KCNK3: variants seen among roughly 807,000 people sequenced by gnomAD.
KCNK3 encodes the protein potassium two pore domain channel subfamily K member 3.
A neutral mutation model predicts 27.3 loss-of-function variants in KCNK3; 9 were observed. That is an observed-to-expected ratio of 0.33 (90% CI 0.20 to 0.57). The LOEUF is 0.57. Ranked by LOEUF, KCNK3 falls within the 20% of genes least tolerant of loss-of-function variation. KCNK3 has a pLI of 0.87. For missense variants in KCNK3, 391 were observed against 577.7 expected, an observed-to-expected ratio of 0.68 and a Z score of 3.31; for synonymous variants, 278 against 273.8, an observed-to-expected ratio of 1.02 and a Z score of -0.15.
At chr2:26,723,664 G>A (rs1211952972) in intron 1 of KCNK3, among the ~76,000 whole-genome samples, 1 of 152,230 alleles carries the variant, frequency 6.6e-6, no homozygotes, top group African/African-American at 2.4e-5. Context: ...TGAACAGATT[G>A]CTTTCCCTCT....
intron 1 of KCNK3, among the ~76,000 whole-genome samples, chr2:26,708,171 T>C (rs1000287078): frequency 6.6e-6 from 1 of 152,118 alleles, no homozygotes; most frequent in African/African-American, 2.4e-5. Context: ...GAGGGAGAGC[T>C]GCCTTCCAGG....
intron 1 of KCNK3, among the ~76,000 whole-genome samples, chr2:26,724,179 C>T (rs1032819275): frequency 6.6e-6 from 1 of 152,358 alleles, no homozygotes; most frequent in East Asian, 1.9e-4. Flanking sequence ...CAGGTCCTCA[C>T]ACTCCCTTGC....
chr2:26,727,377 C>G (rs2148038030), intron 1 of KCNK3, among the ~76,000 whole-genome samples: 1 of 152,328 alleles, frequency 6.6e-6, no homozygotes, highest in African/African-American at 2.4e-5. Context: ...TCATTGAGGT[C>G]AAACGGACTC....
At chr2:26,699,687 C>G (rs1670283592) in intron 1 of KCNK3, among the ~76,000 whole-genome samples, 1 of 152,214 alleles carries the variant, frequency 6.6e-6, no homozygotes, top group Non-Finnish European at 1.5e-5. Context: ...AGGACGGACA[C>G]TCCCTCCTCC....
chr2:26,728,059 G>T lies in KCNK3; in HGVS notation c.676G>T (p.Val226Phe). 6.2e-7 allele frequency: 1 copy of T among 1,614,116 alleles called. No homozygotes were observed. The highest frequency in any genetic ancestry group is 8.5e-7 in the Non-Finnish European group (1 of 1,179,988). ...GCCGCAGTACGTGGCCTTCAGCTTC[G>T]TCTACATCCTTACGGGCCTCACGGT... ...TQPQYVAFSF[V>F]YILTGLTVIG... is the part of the protein sequence containing the mutation. Residue 226 changes from valine to phenylalanine, a missense_variant, in exon 2 of 2, where the codon GTC becomes TTC. Val to Phe is a conservative substitution (Grantham distance 50, BLOSUM62 -1). This residue lies in a region of KCNK3 where 38 missense variants were observed against 80.5 expected (regional missense o/e 0.47). Coordinates refer to ENST00000302909, the MANE Select transcript of KCNK3 (RefSeq NM_002246.3).
At chr2:26,714,886 A>AAAAT (rs56401258) in intron 1 of KCNK3, among the ~76,000 whole-genome samples, 55,601 of 145,708 alleles carry the variant, frequency 0.38, 11,671 homozygotes, top group Admixed American at 0.5. Context: ...ACTCCATCTC[A>AAAAT]AAATAAATAA....
chr2:26,692,730 C>T lies in KCNK3; in HGVS notation c.-146C>T. On this transcript the variant is annotated 5_prime_UTR_variant, in exon 1 of 2. Coordinates refer to ENST00000302909, the MANE Select transcript of KCNK3 (RefSeq NM_002246.3). The surrounding 1 kb of genome is among the most constrained non-coding windows in gnomAD (Gnocchi z 5.6). ...AGCTCCGCGGCGGCGGCGGCGGCGGCGGCCCCGGGCGCTGAGCGGGTGCCC... is the reference window on the plus strand; with the variant it reads ...AGCTCCGCGGCGGCGGCGGCGGCGGTGGCCCCGGGCGCTGAGCGGGTGCCC... 3.6e-6 allele frequency: 1 copy of T among 278,810 alleles called. No homozygotes were observed. The highest frequency in any genetic ancestry group is 5.4e-6 in the Non-Finnish European group (1 of 185,854). The allele number at this position is 278,810 out of a possible 1,614,324, so 17.3% of individuals were successfully genotyped here.
intron 1 of KCNK3, among the ~76,000 whole-genome samples, chr2:26,702,774 G>T (rs138397099): frequency 0.013 from 2,039 of 152,218 alleles, 52 homozygotes; most frequent in African/African-American, 0.047. Context: ...GTATAGGCTG[G>T]TAGGGGCTGG....
intron 1 of KCNK3, among the ~76,000 whole-genome samples, chr2:26,719,995 G>T (rs1017917071): frequency 6.6e-6 from 1 of 152,164 alleles, no homozygotes; most frequent in Non-Finnish European, 1.5e-5. Context: ...GGGCACCGTG[G>T]CTCATGCCTG....
rs1572618965 is a variant in KCNK3, at chr2:26,731,894, A to G, written c.*3326A>G. The G allele has an allele frequency of 6.6e-6, 1 of 152,240 alleles. No individual in the cohort carries two copies. Among genetic ancestry groups the G allele is most frequent in the Non-Finnish European group, 1.5e-5 (1 of 68,046 alleles). The allele number at this position is 152,240 out of a possible 1,614,324, so 9.4% of individuals were successfully genotyped here. On this transcript the variant is annotated 3_prime_UTR_variant, in exon 2 of 2. Coordinates refer to ENST00000302909, the MANE Select transcript of KCNK3 (RefSeq NM_002246.3). ...CTCCCCATCCTCACACAGACTGCAC[A>G]GTCCGCCTGGACACACCCCAGCTGA... is the stretch of plus-strand genomic sequence containing the variant.
At chr2:26,717,203 G>A (rs946759737) in intron 1 of KCNK3, among the ~76,000 whole-genome samples, 12 of 152,136 alleles carry the variant, frequency 7.9e-5, no homozygotes, top group African/African-American at 2.4e-4. Flanking sequence ...TCACCCTCTG[G>A]GCCCCGCCCT....
At chr2:26,700,183 A>G (rs1670289872) in intron 1 of KCNK3, among the ~76,000 whole-genome samples, 1 of 152,256 alleles carries the variant, frequency 6.6e-6, no homozygotes, top group African/African-American at 2.4e-5. Flanking sequence ...GCTTACAGCT[A>G]TCATCAGAGC....
chr2:26,713,095 G>A (rs562580193), intron 1 of KCNK3, among the ~76,000 whole-genome samples: 7 of 152,312 alleles, frequency 4.6e-5, no homozygotes, highest in African/African-American at 1.7e-4. Context: ...CACTGGGCAA[G>A]GCAGGCCAGT....
chr2:26,695,864 C>T (rs1406762570), intron 1 of KCNK3, among the ~76,000 whole-genome samples: 1 of 152,164 alleles, frequency 6.6e-6, no homozygotes, highest in Non-Finnish European at 1.5e-5. Flanking sequence ...CAACATCAGA[C>T]CACCCCCCTG....
chr2:26,694,691 CT>C (rs1487691452), intron 1 of KCNK3, among the ~76,000 whole-genome samples: 1 of 152,138 alleles, frequency 6.6e-6, no homozygotes, highest in Non-Finnish European at 1.5e-5. Flanking sequence ...AGCCCGCTTC[CT>C]GAAAAACACC....
rs556763487 is a variant in KCNK3 at position 26,725,694 on chromosome 2, C to T, written c.284-1973C>T. ...ACAGTGGCTCTACAGCTCAGCTGTC[C>T]AGGTCCCTAGCAAATGGTGACACAG... On this transcript the variant is annotated intron_variant, in intron 1 of 1. Coordinates refer to ENST00000302909, the MANE Select transcript of KCNK3 (RefSeq NM_002246.3). Among the ~76,000 whole-genome samples, 11 of 152,294 alleles carry T rather than the reference C, an allele frequency of 7.2e-5. No homozygotes were observed. In the South Asian group the frequency reaches 2.3e-3, roughly 32 times the overall value.
chr2:26,716,311 G>T (rs150719575), intron 1 of KCNK3, among the ~76,000 whole-genome samples: 79 of 152,296 alleles, frequency 5.2e-4, no homozygotes, highest in African/African-American at 1.8e-3. Context: ...TCAAACAATA[G>T]AATGTATAGA....
At position 26,693,200 on chromosome 2, in the gene KCNK3, C is replaced by G. The variant is rs1670191880; in HGVS notation, c.283+42C>G. ...CGGGGGGCGGGAACCCAGGGCTGGGCGCGGGGCTCCGGGAGTCGTCCGGGG... is the reference window on the plus strand; with the variant it reads ...CGGGGGGCGGGAACCCAGGGCTGGGGGCGGGGCTCCGGGAGTCGTCCGGGG... On this transcript the variant is annotated intron_variant, in intron 1 of 1. Transcript: ENST00000302909. The surrounding 1 kb of genome is among the most constrained non-coding windows in gnomAD (Gnocchi z 5.5). 1 of 1,205,338 alleles carries G rather than the reference C, an allele frequency of 8.3e-7. No homozygotes were observed. Among genetic ancestry groups the G allele is most frequent in the African/African-American group, 1.6e-5 (1 of 61,176 alleles). The allele number at this position is 1,205,338 out of a possible 1,614,324, so 74.7% of individuals were successfully genotyped here.
rs11454167 is a variant in KCNK3, at chr2:26,729,852, A to AG, written c.*1284_*1285insG. Reference sequence around the variant, plus strand: ...CCCTGTCTCAAAAAAAAAAAAAAAAATGGCAAAGGGAGACAAGAGCCCAGC... The same window carrying AG: ...CCCTGTCTCAAAAAAAAAAAAAAAAAGTGGCAAAGGGAGACAAGAGCCCAGC... On this transcript the variant is annotated 3_prime_UTR_variant, in exon 2 of 2. Coordinates refer to ENST00000302909, the MANE Select transcript of KCNK3 (RefSeq NM_002246.3). 6.6e-6 allele frequency: 1 copy of AG among 150,778 alleles called. No individual in the cohort carries two copies. The highest frequency in any genetic ancestry group is 2.4e-5 in the African/African-American group (1 of 40,856). The allele number at this position is 150,778 out of a possible 1,614,324, so 9.3% of individuals were successfully genotyped here.
Sources: allele counts gnomAD v4.1 joint callset (sites outside exome capture counted in the v4.1 genomes callset), GRCh38; gene constraint gnomAD v4.1.1; regional missense constraint gnomAD v4.1.1; non-coding constraint Gnocchi (gnomAD v3.1); transcripts MANE v1.5; gene names NCBI Gene and HGNC (gene_info 2026-07-23, HGNC 2026-07-21).